Variants in PRELID2 observed in about 807,000 individuals in gnomAD.
The protein encoded by PRELID2 is PRELI domain containing 2, also known as PRELI domain-containing protein 2.
Under a neutral mutation model 28.4 loss-of-function variants are expected in PRELID2, and 25 were observed. That is an observed-to-expected ratio of 0.88 (90% CI 0.64 to 1.23). PRELID2 has a LOEUF of 1.23. Among genes scored for constraint, PRELID2 ranks in the 50% most tolerant of loss-of-function variants. PRELID2 has a pLI of 0.00. For missense variants in PRELID2, 201 were observed against 214.4 expected (o/e 0.94, Z 0.39); for synonymous variants, 76 against 71.6 (o/e 1.06, Z -0.31).
the PRELID2 span, among the ~76,000 whole-genome samples, chr5:145,285,971 C>A: frequency 1.5e-4 from 23 of 152,318 alleles, no homozygotes; most frequent in African/African-American, 5.3e-4. Context: ...TGGCTCTGAG[C>A]ACACAGATTT....
chr5:145,289,811 G>A, the PRELID2 span, among the ~76,000 whole-genome samples: 332 of 152,234 alleles, frequency 2.2e-3, 2 homozygotes, highest in African/African-American at 7.7e-3. Flanking sequence ...TACATGTATA[G>A]TGGCATCTCA....
chr5:145,307,264 A>C, the PRELID2 span, among the ~76,000 whole-genome samples: 1 of 152,146 alleles, frequency 6.6e-6, no homozygotes, highest in East Asian at 1.9e-4. Flanking sequence ...CTCCCTCTGC[A>C]GCAGGTACCA....
intron 1 of PRELID2, among the ~76,000 whole-genome samples, chr5:145,596,546 A>T (rs1376034363): frequency 6.6e-6 from 1 of 151,036 alleles, no homozygotes; most frequent in African/African-American, 2.4e-5. Context: ...CCTGCTCATC[A>T]AACTCTAAGA....
chr5:145,544,968 G>A (rs1282314337), intron 1 of PRELID2, among the ~76,000 whole-genome samples: 4 of 152,002 alleles, frequency 2.6e-5, no homozygotes, highest in East Asian at 1.9e-4. Flanking sequence ...ATGTCAAGTC[G>A]AATTTTTTTC....
chr5:145,282,948 T>G, the PRELID2 span, among the ~76,000 whole-genome samples: 3 of 152,192 alleles, frequency 2.0e-5, no homozygotes, highest in African/African-American at 7.2e-5. Context: ...ATCTTTACAT[T>G]TAGGGGTGGG....
chr5:145,448,119 C>T, the PRELID2 span, among the ~76,000 whole-genome samples: 1 of 151,958 alleles, frequency 6.6e-6, no homozygotes, highest in South Asian at 2.1e-4. Flanking sequence ...TTGTCCACAT[C>T]CTCTCCAGCA....
At chr5:145,556,972 T>C (rs1486043972) in intron 1 of PRELID2, among the ~76,000 whole-genome samples, 1 of 152,138 alleles carries the variant, frequency 6.6e-6, no homozygotes, top group Non-Finnish European at 1.5e-5. Context: ...CTAGTGTAAA[T>C]TGTCATGACA....
rs144291081 is a variant in PRELID2, at chr5:145,576,512, C to G, written n.71-103197G>C. Reference sequence around the variant, plus strand: ...ACATACCATATTTTATTTATCCACTCCTTACTTGATGGATGAGAGGGAAAA... The same window carrying G: ...ACATACCATATTTTATTTATCCACTGCTTACTTGATGGATGAGAGGGAAAA... On this transcript the variant is annotated intron_variant and non_coding_transcript_variant, in intron 1 of 2. Coordinates refer to the PRELID2 transcript ENST00000510259. 1.3e-3 allele frequency among the ~76,000 whole-genome samples: 196 copies of G among 152,140 alleles called. 2 individuals carry two copies. The highest frequency in any genetic ancestry group is 4.6e-3 in the African/African-American group (192 of 41,530).
At chr5:145,301,176 T>C in the PRELID2 span, among the ~76,000 whole-genome samples, 1 of 152,104 alleles carries the variant, frequency 6.6e-6, no homozygotes, top group South Asian at 2.1e-4. Flanking sequence ...AATTTTTTAA[T>C]TGTAATTACC....
chr5:145,577,079 A>T (rs763860164), intron 1 of PRELID2, among the ~76,000 whole-genome samples: 1 of 152,146 alleles, frequency 6.6e-6, no homozygotes, highest in Non-Finnish European at 1.5e-5. Context: ...CAGCCTTCAC[A>T]GAATCTCTAG....
chr5:145,369,479 C>T, the PRELID2 span, among the ~76,000 whole-genome samples: 7 of 152,178 alleles, frequency 4.6e-5, no homozygotes, highest in East Asian at 3.9e-4. Flanking sequence ...GTGAAGTATT[C>T]CATGGTGTAT....
At chr5:145,264,104 A>G in the PRELID2 span, among the ~76,000 whole-genome samples, 1 of 152,186 alleles carries the variant, frequency 6.6e-6, no homozygotes, top group Non-Finnish European at 1.5e-5. Context: ...TATCAATGCT[A>G]TTCTAAAAGA....
At chr5:145,450,736 A>G in the PRELID2 span, 1 of 152,210 alleles carries the variant, frequency 6.6e-6, no homozygotes, top group Non-Finnish European at 1.5e-5. Context: ...ACACAATTGA[A>G]TAATGCTGGA....
intron 5 of PRELID2, among the ~76,000 whole-genome samples, chr5:145,780,396 G>C (rs1758712193): frequency 6.6e-6 from 1 of 152,184 alleles, no homozygotes; most frequent in Non-Finnish European, 1.5e-5. Flanking sequence ...ACTCTACAAA[G>C]TAGGTTCCAA....
At chr5:145,279,205 A>T in the PRELID2 span, among the ~76,000 whole-genome samples, 1 of 152,186 alleles carries the variant, frequency 6.6e-6, no homozygotes. Context: ...AATGGCAAAA[A>T]CTGCAATAAC....
chr5:145,305,276 A>G, the PRELID2 span, among the ~76,000 whole-genome samples: 15 of 152,296 alleles, frequency 9.8e-5, no homozygotes, highest in African/African-American at 3.6e-4. Context: ...CAAATGGAAA[A>G]TCAAACCAGT....
intron 1 of PRELID2, among the ~76,000 whole-genome samples, chr5:145,661,793 T>C (rs970084200): frequency 6.6e-6 from 1 of 151,956 alleles, no homozygotes; most frequent in South Asian, 2.1e-4. Context: ...GAAAAGGTTC[T>C]GCAAGAATGT....
At chr5:145,439,795 C>A in the PRELID2 span, among the ~76,000 whole-genome samples, 1 of 152,036 alleles carries the variant, frequency 6.6e-6, no homozygotes, top group Non-Finnish European at 1.5e-5. Flanking sequence ...TCCTAACTTG[C>A]CTTCTATCCT....
rs142889250 is a variant in PRELID2, at chr5:145,612,358, G to A, written n.71-139043C>T. On this transcript the variant is annotated intron_variant and non_coding_transcript_variant, in intron 1 of 2. Transcript: ENST00000510259. ...AACACAAACAACAAACCACAGAATA[G>A]GAGAAAACATTGGCAACAAGTATGA... is the stretch of plus-strand genomic sequence containing the variant. Among the ~76,000 whole-genome samples, 1,212 of 152,076 alleles carry A rather than the reference G, an allele frequency of 8.0e-3. 21 individuals carry two copies. Among genetic ancestry groups the A allele is most frequent in the African/African-American group, 0.028 (1,155 of 41,490 alleles).
Sources: gnomAD v4.1 joint callset for allele counts (sites outside exome capture counted in the v4.1 genomes callset) on GRCh38, gnomAD v4.1.1 for gene constraint, MANE v1.5 for transcripts, NCBI Gene and HGNC (gene_info 2026-07-23, HGNC 2026-07-21) for gene names.